The following GRIK2 variants were observed in gnomAD, a reference collection of about 807,000 sequenced individuals.
GRIK2 encodes the protein glutamate ionotropic receptor kainate type subunit 2.
Under a neutral mutation model 100.3 loss-of-function variants are expected in GRIK2, and 32 were observed. That is an observed-to-expected ratio of 0.32 (90% CI 0.24 to 0.43). GRIK2 has a LOEUF of 0.43. Ranked by LOEUF, GRIK2 falls within the 20% of genes least tolerant of loss-of-function variation. The probability of loss-of-function intolerance (pLI) is 1.00; values close to 1 mark genes in which losing one functional copy is unlikely to be tolerated. For synonymous variants in GRIK2, 417 were observed against 389.4 expected, an observed-to-expected ratio of 1.07 and a Z score of -0.83; for missense variants, 843 against 1,114.9, an observed-to-expected ratio of 0.76 and a Z score of 3.47.
chr6:101,561,952 G>A (rs1055666379), intron 2 of GRIK2, among the ~76,000 whole-genome samples: 2 of 152,038 alleles, frequency 1.3e-5, no homozygotes, highest in African/African-American at 4.8e-5. Context: ...AATATGTGGG[G>A]GTCATCCTTA....
At chr6:101,833,997 G>T (rs1782882760) in intron 10 of GRIK2, among the ~76,000 whole-genome samples, 2 of 151,960 alleles carry the variant, frequency 1.3e-5, no homozygotes, top group African/African-American at 4.8e-5. Flanking sequence ...AAATTCCAAA[G>T]TATTTTTTTC....
chr6:101,707,594 G>GTATATATATATATATATATATA (rs1193552049), intron 7 of GRIK2, among the ~76,000 whole-genome samples: 1 of 106,126 alleles, frequency 9.4e-6, no homozygotes, highest in Non-Finnish European at 1.9e-5. Context: ...GTGTGTGTGT[G>GTATATATATATATATATATATA]TATATATGTG....
intron 12 of GRIK2, among the ~76,000 whole-genome samples, chr6:101,918,725 C>T (rs1413207889): frequency 2.0e-5 from 3 of 151,624 alleles, no homozygotes; most frequent in Non-Finnish European, 4.4e-5. Context: ...AGTCTCAAAA[C>T]TTGTAGTCAT....
intron 7 of GRIK2, among the ~76,000 whole-genome samples, chr6:101,703,559 G>A (rs1773043989): frequency 6.6e-6 from 1 of 151,732 alleles, no homozygotes; most frequent in Admixed American, 6.6e-5. Flanking sequence ...GGGAATGTGA[G>A]GTGAGAGAGA....
chr6:101,971,574 T>A (rs1793055267), intron 14 of GRIK2, among the ~76,000 whole-genome samples: 2 of 152,048 alleles, frequency 1.3e-5, no homozygotes, highest in African/African-American at 2.4e-5. Flanking sequence ...ATTGCAACTT[T>A]TATTTTAGAT....
intron 14 of GRIK2, among the ~76,000 whole-genome samples, chr6:101,995,867 T>A (rs942134741): frequency 6.6e-6 from 1 of 152,066 alleles, no homozygotes; most frequent in Admixed American, 6.6e-5. Flanking sequence ...TTAAACAACA[T>A]ACTAACATCA....
At chr6:101,698,377 A>G (rs1342835524) in intron 7 of GRIK2, among the ~76,000 whole-genome samples, 1 of 152,144 alleles carries the variant, frequency 6.6e-6, no homozygotes, top group African/African-American at 2.4e-5. Context: ...AATGAAATGA[A>G]GAGTTTTAGG....
At chr6:101,922,843 C>A (rs1171787831) in intron 12 of GRIK2, among the ~76,000 whole-genome samples, 3 of 152,118 alleles carry the variant, frequency 2.0e-5, no homozygotes, top group African/African-American at 7.2e-5. Context: ...AGAACACATT[C>A]TTGTATAAAG....
chr6:101,624,627 C>G (rs1780345658), intron 3 of GRIK2, among the ~76,000 whole-genome samples: 1 of 152,110 alleles, frequency 6.6e-6, no homozygotes, highest in Non-Finnish European at 1.5e-5. Flanking sequence ...AGTCTGAACA[C>G]CTAATTTATG....
intron 2 of GRIK2, among the ~76,000 whole-genome samples, chr6:101,530,174 G>T (rs1775362518): frequency 6.6e-6 from 1 of 151,944 alleles, no homozygotes; most frequent in African/African-American, 2.4e-5. Context: ...CAACATGCTG[G>T]TGCATTAAAG....
intron 7 of GRIK2, among the ~76,000 whole-genome samples, chr6:101,710,979 G>GTTGT (rs1346320535): frequency 2.0e-5 from 3 of 151,784 alleles, no homozygotes; most frequent in Non-Finnish European, 2.9e-5. Context: ...TAGCATTGAA[G>GTTGT]TTGTTATTCA....
intron 11 of GRIK2, among the ~76,000 whole-genome samples, chr6:101,877,321 T>C (rs1785927244): frequency 6.6e-6 from 1 of 151,982 alleles, no homozygotes; most frequent in African/African-American, 2.4e-5. Flanking sequence ...GATAGTTGTG[T>C]CTGTACTGAA....
At chr6:101,727,783 C>T (rs369973810) in intron 7 of GRIK2, among the ~76,000 whole-genome samples, 6 of 151,862 alleles carry the variant, frequency 4.0e-5, no homozygotes, top group African/African-American at 9.7e-5. Flanking sequence ...AATGGCCATG[C>T]GGCTTCTATT....
chr6:101,883,736 A>G (rs1385769806), intron 11 of GRIK2, among the ~76,000 whole-genome samples: 1 of 152,144 alleles, frequency 6.6e-6, no homozygotes, highest in African/African-American at 2.4e-5. Context: ...CGAGCTTTCC[A>G]GGGAGAGGGA....
At chr6:101,521,393 A>G (rs1774876705) in intron 2 of GRIK2, among the ~76,000 whole-genome samples, 1 of 151,990 alleles carries the variant, frequency 6.6e-6, no homozygotes. Context: ...CTATGTTTCA[A>G]AAAGTATTAT....
intron 2 of GRIK2, among the ~76,000 whole-genome samples, chr6:101,482,248 A>G (rs983406577): frequency 5.9e-5 from 9 of 152,156 alleles, no homozygotes; most frequent in African/African-American, 1.9e-4. Context: ...TGGAGCACCT[A>G]CTATTGTCAG....
chr6:101,440,693 A>C (rs1263276863), intron 2 of GRIK2, among the ~76,000 whole-genome samples: 2 of 152,072 alleles, frequency 1.3e-5, no homozygotes, highest in African/African-American at 4.8e-5. Context: ...TGATGAATGG[A>C]TTCCAACAGA....
intron 14 of GRIK2, among the ~76,000 whole-genome samples, chr6:101,937,685 CA>C (rs914899620): frequency 6.6e-6 from 1 of 151,566 alleles, no homozygotes; most frequent in South Asian, 2.1e-4. Context: ...AACATACAAA[CA>C]AAAAAACCCA....
chr6:101,612,035 G>A (rs1005643542), intron 2 of GRIK2, among the ~76,000 whole-genome samples: 3 of 151,796 alleles, frequency 2.0e-5, no homozygotes, highest in African/African-American at 7.2e-5. Context: ...GATAAAGAGT[G>A]GCAATATTAC....
Sources: allele counts gnomAD v4.1 joint callset (sites outside exome capture counted in the v4.1 genomes callset), GRCh38; gene constraint gnomAD v4.1.1; transcripts MANE v1.5; gene names NCBI Gene and HGNC (gene_info 2026-07-23, HGNC 2026-07-21).